The following EIF2AK3 variants were observed in gnomAD, a reference collection of about 807,000 sequenced individuals.
EIF2AK3 encodes the protein eukaryotic translation initiation factor 2-alpha kinase 3.
In EIF2AK3, 50 loss-of-function variants were observed where a neutral mutation model predicts 113.5. The ratio of observed to expected loss-of-function variants is 0.44; its 90% CI spans 0.35 to 0.56. EIF2AK3 has a LOEUF of 0.56. EIF2AK3 is among the 20% of genes least tolerant of loss of function. The pLI, the probability that EIF2AK3 is intolerant of heterozygous loss-of-function variation, is 0.00. For synonymous variants in EIF2AK3, 448 were observed against 495.4 expected (o/e 0.90, Z 1.27); for missense variants, 1,185 against 1,378.0 (o/e 0.86, Z 2.22).
intron 14 of EIF2AK3, 43 bp downstream of exon 14, chr2:88,570,831 A>T: frequency 6.2e-7 from 1 of 1,607,742 alleles, no homozygotes; most frequent in Non-Finnish European, 8.5e-7. Flanking sequence ...TTCATCAGGT[A>T]CATCTGCTGC....
At chr2:88,566,274 T>A (rs1253490943) in intron 14 of EIF2AK3, among the ~76,000 whole-genome samples, 1 of 152,316 alleles carries the variant, frequency 6.6e-6, no homozygotes, top group African/African-American at 2.4e-5. Flanking sequence ...AAACTTCCTA[T>A]AGATTTCACT....
At chr2:88,589,725 C>T (rs999051174) in intron 6 of EIF2AK3, among the ~76,000 whole-genome samples, 10 of 150,754 alleles carry the variant, frequency 6.6e-5, no homozygotes, top group African/African-American at 1.9e-4. Flanking sequence ...GTCCTGTCAC[C>T]CAGGCAGGAG....
At chr2:88,563,753 T>C (rs963243248) in intron 14 of EIF2AK3, among the ~76,000 whole-genome samples, 1 of 152,200 alleles carries the variant, frequency 6.6e-6, no homozygotes, top group Non-Finnish European at 1.5e-5. Context: ...TCTAAGAATA[T>C]TTAATAATAT....
chr2:88,613,680 T>C, intron 2 of EIF2AK3, 44 bp downstream of exon 2: 1 of 1,611,064 alleles, frequency 6.2e-7, no homozygotes, highest in Non-Finnish European at 8.5e-7. Context: ...CAATTACTCA[T>C]TAGAATTAAG....
In EIF2AK3 at chr2:88,590,934, A is replaced by G. The variant is rs1352633666; in HGVS notation, c.886T>C (p.Ser296Pro). 6.2e-7 allele frequency: 1 copy of G among 1,614,096 alleles called. No homozygotes were observed. Residue 296 changes from serine (S) to proline (P), a missense_variant, in exon 5 of 17, where the codon TCA (serine) becomes CCA (proline). Coordinates refer to ENST00000303236, the MANE Select transcript of EIF2AK3 (RefSeq NM_004836.7). ...NENTEESKII[S>P]DVEEQEAAIM... ...GCAGCTTCCTGTTCTTCCACATCTG[A>G]AATAATTTTAGACTCTTCTGTGTTC...
chr2:88,575,517 T>C lies in EIF2AK3; in HGVS notation c.2037-71A>G, dbSNP rs1318185992. The stretch of plus-strand genomic sequence containing the variant: ...ATTCAAGTACCTGAACTGCACCCTC[T>C]GTTTAAAAAGCTTCAACTGTAATAA... On this transcript the variant is annotated intron_variant, in intron 12 of 16. Transcript: ENST00000303236. The C allele has an allele frequency of 1.0e-5, 16 of 1,551,464 alleles. 1 individual carries two copies. In the East Asian group the frequency reaches 3.6e-4, roughly 35 times the overall value.
intron 1 of EIF2AK3, 124 bp from the exon 2 acceptor site, chr2:88,613,977 T>C: frequency 3.7e-6 from 3 of 811,206 alleles, no homozygotes; most frequent in Non-Finnish European, 5.9e-6. Flanking sequence ...AGAGGGGGCC[T>C]TCTACCACTC....
chr2:88,591,282 T>C (rs1374687108), intron 4 of EIF2AK3, among the ~76,000 whole-genome samples: 1 of 152,168 alleles, frequency 6.6e-6, no homozygotes, highest in Non-Finnish European at 1.5e-5. Flanking sequence ...ACTGACTTGA[T>C]GTGTCCCTTA....
At chr2:88,609,486 A>C (rs995557561) in intron 2 of EIF2AK3, among the ~76,000 whole-genome samples, 2 of 152,336 alleles carry the variant, frequency 1.3e-5, no homozygotes, top group Middle Eastern at 3.4e-3. Context: ...TCCACTTACA[A>C]ATGTTCTTGA....
intron 1 of EIF2AK3, among the ~76,000 whole-genome samples, chr2:88,620,806 T>A (rs777399006): frequency 1.6e-4 from 25 of 152,268 alleles, no homozygotes; most frequent in Non-Finnish European, 1.5e-4. Context: ...TCGAGGATAG[T>A]TAATTCTTTA....
chr2:88,620,760 T>C (rs1159078772), intron 1 of EIF2AK3, among the ~76,000 whole-genome samples: 2 of 152,246 alleles, frequency 1.3e-5, no homozygotes, highest in African/African-American at 4.8e-5. Flanking sequence ...TTCCATTCTT[T>C]TCACTCACAC....
chr2:88,607,495 A>T (rs144101719), intron 2 of EIF2AK3, among the ~76,000 whole-genome samples: 2 of 152,316 alleles, frequency 1.3e-5, no homozygotes, highest in East Asian at 1.9e-4. Flanking sequence ...TTGGTTATGT[A>T]TCCACACTCT....
In EIF2AK3 at chr2:88,603,212, G is replaced by T. The variant is rs140052057; in HGVS notation, c.439-7549C>A. On this transcript the variant is annotated intron_variant, in intron 2 of 16. Coordinates refer to ENST00000303236, the MANE Select transcript of EIF2AK3 (RefSeq NM_004836.7). ...TGACTCTACTACTCATTTACTATGT[G>T]ACCTCGGATAAAAACGAACACTTCA... Among the ~76,000 whole-genome samples the T allele has an allele frequency of 4.0e-3, 615 of 152,266 alleles. 5 individuals are homozygous for T. The highest frequency in any genetic ancestry group is 5.3e-3 in the Non-Finnish European group (361 of 68,010).
intron 1 of EIF2AK3, among the ~76,000 whole-genome samples, chr2:88,615,252 C>A (rs906763601): frequency 6.6e-6 from 1 of 152,226 alleles, no homozygotes; most frequent in African/African-American, 2.4e-5. Flanking sequence ...CTCCCCCTTA[C>A]GCATTCGTGA....
At chr2:88,595,788 G>A in intron 2 of EIF2AK3, 125 bp from the exon 3 acceptor site, 2 of 959,444 alleles carry the variant, frequency 2.1e-6, no homozygotes, top group Non-Finnish European at 3.2e-6. Flanking sequence ...CTGGAGTCTT[G>A]ATCCTGATGT....
At chr2:88,616,058 C>T (rs1169441568) in intron 1 of EIF2AK3, among the ~76,000 whole-genome samples, 2 of 151,948 alleles carry the variant, frequency 1.3e-5, no homozygotes, top group Non-Finnish European at 1.5e-5. Flanking sequence ...GCTATTCTGT[C>T]TCAGTTTCAT....
At chr2:88,626,795 G>GCC (rs1675871277) in intron 1 of EIF2AK3, among the ~76,000 whole-genome samples, 172 bp downstream of exon 1, 1 of 152,240 alleles carries the variant, frequency 6.6e-6, no homozygotes, top group African/African-American at 2.4e-5. Flanking sequence ...CAGGTCGCTG[G>GCC]CCGGGGGATG....
At chr2:88,594,360 C>T (rs867683247) in intron 3 of EIF2AK3, among the ~76,000 whole-genome samples, 12 of 152,292 alleles carry the variant, frequency 7.9e-5, no homozygotes, top group African/African-American at 1.7e-4. Context: ...CCATCCCCAG[C>T]TAATTTTTTT....
chr2:88,618,177 G>A (rs2103976117), intron 1 of EIF2AK3, among the ~76,000 whole-genome samples: 1 of 152,258 alleles, frequency 6.6e-6, no homozygotes, highest in South Asian at 2.1e-4. Flanking sequence ...GTGAAATGCT[G>A]TCTCCAGAAA....
Sources: gnomAD v4.1 joint callset for allele counts (sites outside exome capture counted in the v4.1 genomes callset) on GRCh38, gnomAD v4.1.1 for gene constraint, MANE v1.5 for transcripts, NCBI Gene and HGNC (gene_info 2026-07-23, HGNC 2026-07-21) for gene names.